C6: variants seen among roughly 807,000 people sequenced by gnomAD.
The protein encoded by C6 is complement component C6.
In C6, 101 loss-of-function variants were observed where a neutral mutation model predicts 112.9. The ratio of observed to expected loss-of-function variants is 0.89; its 90% confidence interval spans 0.76 to 1.06. The LOEUF (loss-of-function observed/expected upper bound fraction) is 1.06. Among genes scored for constraint, C6 ranks in the 50% least tolerant of loss-of-function variants. C6 has a pLI of 0.00. For missense variants in C6, 1,202 were observed against 1,104.6 expected (o/e 1.09, Z -1.25); for synonymous variants, 431 against 384.1 (o/e 1.12, Z -1.43).
chr5:41,259,517 C>A (rs1319967156), intron 1 of C6, among the ~76,000 whole-genome samples: 15 of 143,108 alleles, frequency 1.0e-4, no homozygotes, highest in East Asian at 4.2e-4. Context: ...CTGAAATTAC[C>A]AAAAAAAAAA....
intron 1 of C6, among the ~76,000 whole-genome samples, chr5:41,246,410 C>T (rs1282392625): frequency 6.6e-6 from 1 of 152,178 alleles, no homozygotes; most frequent in African/African-American, 2.4e-5. Context: ...GAAATTGCAT[C>T]CAACTATTCT....
At chr5:41,197,474 C>T (rs1464951217) in intron 4 of C6, among the ~76,000 whole-genome samples, 1 of 152,204 alleles carries the variant, frequency 6.6e-6, no homozygotes, top group Non-Finnish European at 1.5e-5. Flanking sequence ...ATACATATTA[C>T]ATTTTTTAAA....
rs1465830412 is a variant in C6 at position 41,252,071 on chromosome 5, G to T, written c.-21+9123C>A. ...CATGTGTGTACACAGATTTGTTAAG[G>T]TAATATGCAAATTCAGATACCTAAG... On this transcript the variant is annotated intron_variant, in intron 1 of 17. Transcript: ENST00000263413. Among the ~76,000 whole-genome samples the T allele has an allele frequency of 2.6e-5, 4 of 152,146 alleles. No individual in the cohort carries two copies. In the East Asian group the frequency reaches 7.7e-4, roughly 29 times the overall value.
chr5:41,223,227 G>A (rs939373044), intron 1 of C6, among the ~76,000 whole-genome samples: 2 of 152,048 alleles, frequency 1.3e-5, no homozygotes, highest in African/African-American at 4.8e-5. Flanking sequence ...TGTCAGGGGA[G>A]GCAGGAAACA....
intron 7 of C6, among the ~76,000 whole-genome samples, chr5:41,181,064 G>T (rs553542681): frequency 6.6e-6 from 1 of 151,376 alleles, no homozygotes; most frequent in East Asian, 1.9e-4. Context: ...TACATGAAAG[G>T]TCAAAGTTCT....
At chr5:41,179,956 TTTAG>T (rs1749188926) in intron 7 of C6, among the ~76,000 whole-genome samples, 1 of 152,058 alleles carries the variant, frequency 6.6e-6, no homozygotes, top group South Asian at 2.1e-4. Context: ...CTTCTTGGAC[TTTAG>T]TTAGTGCCTG....
chr5:41,150,796 A>G (rs1035315933), intron 15 of C6, among the ~76,000 whole-genome samples: 5 of 151,990 alleles, frequency 3.3e-5, no homozygotes, highest in Non-Finnish European at 7.4e-5. Context: ...CTGAGGCAAA[A>G]GAGTCACTTG....
intron 9 of C6, among the ~76,000 whole-genome samples, chr5:41,164,712 T>TGAG (rs1473006362): frequency 3.3e-5 from 5 of 152,178 alleles, no homozygotes; most frequent in Admixed American, 3.3e-4. Context: ...TGTCCTCTTG[T>TGAG]TCCTACAGGC....
chr5:41,172,441 A>C (rs1356011296), intron 8 of C6, 94 bp from the exon 9 acceptor site: 3 of 1,203,578 alleles, frequency 2.5e-6, no homozygotes, highest in Non-Finnish European at 2.4e-6. Context: ...ATCTACAGAT[A>C]CTTTATATTA....
At chr5:41,181,606 G>A (rs1004614690) in intron 6 of C6, 47 bp from the exon 7 acceptor site, 49 of 1,448,076 alleles carry the variant, frequency 3.4e-5, no homozygotes, top group Non-Finnish European at 4.5e-5. Context: ...GGAAATACTG[G>A]AGCGACTTGT....
chr5:41,158,778 G>A lies in C6; in HGVS notation c.1864C>T (p.Pro622Ser). Residue 622 changes from proline to serine, a missense_variant, in exon 13 of 18, where the codon CCA becomes TCA. By Grantham distance (74) the Pro-to-Ser change is moderately conservative. Transcript: ENST00000337836. Reference sequence around the variant, plus strand: ...ATTTCTTCGTCATCATTGATACATGGTTGTCCACTAAAAGGGAAACATAAA... The same window carrying A: ...ATTTCTTCGTCATCATTGATACATGATTGTCCACTAAAAGGGAAACATAAA... ...TFSIMENNGQ[P>S]CINDDEEMKE... 6.4e-7 allele frequency: 1 copy of A among 1,555,402 alleles called. No individual in the cohort carries two copies. Among genetic ancestry groups the A allele is most frequent in the Non-Finnish European group, 8.9e-7 (1 of 1,126,962 alleles).
At chr5:41,256,443 T>TAAAAAAAAAAAAAAAAAA (rs5867547) in intron 1 of C6, among the ~76,000 whole-genome samples, 1 of 122,908 alleles carries the variant, frequency 8.1e-6, no homozygotes, top group Non-Finnish European at 1.6e-5. Context: ...AAAAAAAAAG[T>TAAAAAAAAAAAAAAAAAA]AAAAAAAAAA....
intron 9 of C6, among the ~76,000 whole-genome samples, chr5:41,166,748 C>T (rs1469453460): frequency 2.6e-5 from 4 of 152,014 alleles, no homozygotes; most frequent in Non-Finnish European, 5.9e-5. Context: ...TAATTATGAA[C>T]AACAATAGAG....
At chr5:41,256,882 A>G (rs1258748074) in intron 1 of C6, among the ~76,000 whole-genome samples, 1 of 152,200 alleles carries the variant, frequency 6.6e-6, no homozygotes, top group Admixed American at 6.5e-5. Flanking sequence ...GGAGGTTCCC[A>G]TACCCACTTT....
chr5:41,227,141 T>G (rs1343835428), intron 1 of C6, among the ~76,000 whole-genome samples: 1 of 152,162 alleles, frequency 6.6e-6, no homozygotes, highest in Admixed American at 6.6e-5. Flanking sequence ...TTTTTGGTAA[T>G]AGTCAATTTA....
chr5:41,148,395 T>C (rs73750293), intron 17 of C6, among the ~76,000 whole-genome samples: 8 of 152,176 alleles, frequency 5.3e-5, no homozygotes, highest in Admixed American at 1.3e-4. Flanking sequence ...AAATTTGTAG[T>C]ATATACGGGG....
chr5:41,187,620 G>T (rs1054613926), intron 5 of C6, among the ~76,000 whole-genome samples: 5 of 151,936 alleles, frequency 3.3e-5, no homozygotes, highest in Middle Eastern at 3.2e-3. Flanking sequence ...ATACTGAAAA[G>T]AAAGTAAGGC....
At position 41,248,543 on chromosome 5, in the gene C6, A is replaced by G. The variant is rs540693972; in HGVS notation, c.-21+12651T>C. 3.9e-5 allele frequency among the ~76,000 whole-genome samples: 6 copies of G among 152,366 alleles called. No individual in the cohort carries two copies. In the East Asian group the frequency reaches 1.2e-3, roughly 29 times the overall value. ...GAACAGACATTTCTGAAAAGAAGACATGCAAGTGGCCAACAAACTTATGAA... is the reference window on the plus strand; with the variant it reads ...GAACAGACATTTCTGAAAAGAAGACGTGCAAGTGGCCAACAAACTTATGAA... On this transcript the variant is annotated intron_variant, in intron 1 of 17. Coordinates refer to the C6 transcript ENST00000263413.
At chr5:41,176,851 T>C in intron 7 of C6, 136 bp from the exon 8 acceptor site, 3 of 846,768 alleles carry the variant, frequency 3.5e-6, no homozygotes, top group Non-Finnish European at 5.4e-6. Flanking sequence ...CTATTGCATG[T>C]TCTCACGTAC....
Sources: gnomAD v4.1 joint callset for allele counts (sites outside exome capture counted in the v4.1 genomes callset) on GRCh38, gnomAD v4.1.1 for gene constraint, MANE v1.5 for transcripts, NCBI Gene and HGNC (gene_info 2026-07-23, HGNC 2026-07-21) for gene names.